The following HTR1F variants were observed in gnomAD, a reference collection of about 807,000 sequenced individuals.
HTR1F encodes 5-hydroxytryptamine receptor 1F.
HTR1F carries 17 observed loss-of-function variants against 24.0 expected under a neutral mutation model. That is an observed-to-expected ratio of 0.71 (90% CI 0.48 to 1.06). The LOEUF (loss-of-function observed/expected upper bound fraction) is 1.06. Ranked by LOEUF, HTR1F falls within the 50% of genes least tolerant of loss-of-function variation. The probability of loss-of-function intolerance (pLI) is 0.00; values close to 1 mark genes in which losing one functional copy is unlikely to be tolerated. For synonymous variants in HTR1F, 186 were observed against 156.8 expected (o/e 1.19, Z -1.39); for missense variants, 391 against 427.8 (o/e 0.91, Z 0.76).
intron 2 of HTR1F, among the ~76,000 whole-genome samples, chr3:87,855,128 T>A (rs978997545): frequency 6.6e-6 from 1 of 152,064 alleles, no homozygotes; most frequent in Non-Finnish European, 1.5e-5. Flanking sequence ...TGCAATGGCA[T>A]CTTCTCTTGT....
intron 2 of HTR1F, among the ~76,000 whole-genome samples, chr3:87,854,380 T>C (rs1300381665): frequency 1.3e-5 from 2 of 152,028 alleles, no homozygotes; most frequent in Non-Finnish European, 2.9e-5. Context: ...AAGATTTTTT[T>C]CTAAATAACT....
At chr3:87,798,373 C>A (rs1703940273) in intron 1 of HTR1F, among the ~76,000 whole-genome samples, 1 of 152,112 alleles carries the variant, frequency 6.6e-6, no homozygotes, top group Non-Finnish European at 1.5e-5. Flanking sequence ...CAACTGCCCC[C>A]ACTCCAATCT....
chr3:87,825,714 A>T lies in HTR1F; in HGVS notation c.-43+3590A>T, dbSNP rs1704449151. 5.3e-5 allele frequency among the ~76,000 whole-genome samples: 8 copies of T among 152,190 alleles called. 1 individual carries two copies. The South Asian group carries it at 1.7e-3, about 32-fold the overall frequency. ...TCTAACGCTACCATCACTTTCCCAT[A>T]AAACCATAGAGGAATTAACTTAGAA... On this transcript the variant is annotated intron_variant, in intron 2 of 2. Transcript: ENST00000319595.
intron 1 of HTR1F, among the ~76,000 whole-genome samples, chr3:87,814,690 A>T (rs1229215651): frequency 6.6e-6 from 1 of 152,204 alleles, no homozygotes; most frequent in Non-Finnish European, 1.5e-5. Flanking sequence ...AAAGATAATA[A>T]ACATGAATGT....
intron 2 of HTR1F, among the ~76,000 whole-genome samples, chr3:87,894,974 T>A (rs1706167864): frequency 6.6e-6 from 1 of 152,286 alleles, no homozygotes; most frequent in Admixed American, 6.5e-5. Context: ...TGAATGGTAT[T>A]ATTACTACTA....
intron 2 of HTR1F, among the ~76,000 whole-genome samples, chr3:87,937,944 G>GA (rs1704467892): frequency 6.9e-6 from 1 of 145,046 alleles, no homozygotes; most frequent in African/African-American, 2.5e-5. Context: ...AAAAAAAAAA[G>GA]AAGAAAGAAA....
In HTR1F at chr3:87,860,986, A is replaced by C. The variant is rs112138562; in HGVS notation, c.-43+38862A>C. 5.9e-3 allele frequency among the ~76,000 whole-genome samples: 901 copies of C among 152,148 alleles called. 11 individuals carry two copies. The highest frequency in any genetic ancestry group is 0.021 in the African/African-American group (868 of 41,506). On this transcript the variant is annotated intron_variant, in intron 2 of 2. Transcript: ENST00000319595. ...AGCCTGGCCAACATGGCAAAACACC[A>C]TCTCTACTAATAATACAAAAATAAG...
intron 2 of HTR1F, among the ~76,000 whole-genome samples, chr3:87,903,105 A>T (rs1706369424): frequency 6.6e-6 from 1 of 152,034 alleles, no homozygotes. Context: ...CCTTCCTTAC[A>T]CCTTATACAA....
At chr3:87,878,571 T>C (rs1282681598) in intron 2 of HTR1F, among the ~76,000 whole-genome samples, 1 of 152,132 alleles carries the variant, frequency 6.6e-6, no homozygotes, top group Non-Finnish European at 1.5e-5. Flanking sequence ...GCCCATCGTA[T>C]CTCTAAGTAG....
At chr3:87,880,747 A>T (rs1246302580) in intron 2 of HTR1F, among the ~76,000 whole-genome samples, 1 of 151,950 alleles carries the variant, frequency 6.6e-6, no homozygotes, top group Non-Finnish European at 1.5e-5. Context: ...GAGACAAAAT[A>T]GAAAGCAAAG....
intron 2 of HTR1F, among the ~76,000 whole-genome samples, chr3:87,836,281 C>T (rs182458581): frequency 1.4e-4 from 21 of 152,128 alleles, no homozygotes; most frequent in Middle Eastern, 3.4e-3. Flanking sequence ...TTACCATTAG[C>T]GAGAGAATAG....
In HTR1F at chr3:87,992,105, G is replaced by T. The variant is rs141588756; in HGVS notation, c.*255G>T. 195 of 242,588 alleles carry T rather than the reference G, an allele frequency of 8.0e-4. No individual in the cohort carries two copies. The highest frequency in any genetic ancestry group is 4.2e-3 in the African/African-American group (187 of 44,098). The allele number at this position is 242,588 out of a possible 1,614,324, so 15.0% of individuals were successfully genotyped here. The stretch of plus-strand genomic sequence containing the variant: ...TTTGCCTATGCAATGTTCCTAAAAA[G>T]CTAACTGGAAAAAATATATATATAT... On this transcript the variant is annotated 3_prime_UTR_variant, in exon 3 of 3. Coordinates refer to ENST00000319595, the MANE Select transcript of HTR1F (RefSeq NM_001322209.2).
chr3:87,932,502 G>T (rs1355196829), intron 2 of HTR1F, among the ~76,000 whole-genome samples: 1 of 152,004 alleles, frequency 6.6e-6, no homozygotes, highest in Non-Finnish European at 1.5e-5. Context: ...TTGTTCTTTT[G>T]GCTTAGGATT....
chr3:87,866,431 A>G (rs1317293272), intron 2 of HTR1F, among the ~76,000 whole-genome samples: 3 of 152,200 alleles, frequency 2.0e-5, no homozygotes, highest in African/African-American at 7.2e-5. Flanking sequence ...CCTTTGACCG[A>G]AAAACAACTA....
At chr3:87,802,220 T>TCTCC (rs369710362) in intron 1 of HTR1F, among the ~76,000 whole-genome samples, 1 of 52,996 alleles carries the variant, frequency 1.9e-5, no homozygotes, top group Non-Finnish European at 3.6e-5. Context: ...TCCCTCCCTC[T>TCTCC]CTCCCTCCCT....
chr3:87,901,243 T>A (rs1448337408), intron 2 of HTR1F, among the ~76,000 whole-genome samples: 1 of 152,166 alleles, frequency 6.6e-6, no homozygotes, highest in Admixed American at 6.6e-5. Flanking sequence ...GGCCTCAGGA[T>A]GTGACTGTAT....
chr3:87,848,367 A>AT (rs950256495), intron 2 of HTR1F, among the ~76,000 whole-genome samples: 15 of 150,900 alleles, frequency 9.9e-5, no homozygotes, highest in East Asian at 5.8e-4. Flanking sequence ...TTTTAGTGGG[A>AT]TTTTTTTTCT....
intron 2 of HTR1F, among the ~76,000 whole-genome samples, chr3:87,888,333 G>A (rs1418954962): frequency 6.6e-6 from 1 of 152,122 alleles, no homozygotes; most frequent in Non-Finnish European, 1.5e-5. Flanking sequence ...GTGGGGTCTG[G>A]AGGAGGGATA....
At chr3:87,912,348 G>A (rs1703796376) in intron 2 of HTR1F, among the ~76,000 whole-genome samples, 1 of 151,954 alleles carries the variant, frequency 6.6e-6, no homozygotes. Context: ...AAATACCCAG[G>A]AATACAGCTA....
Sources: allele counts gnomAD v4.1 joint callset (sites outside exome capture counted in the v4.1 genomes callset), GRCh38; gene constraint gnomAD v4.1.1; transcripts MANE v1.5; gene names NCBI Gene and HGNC (gene_info 2026-07-23, HGNC 2026-07-21).